ARHGAP39: variants seen among roughly 807,000 people sequenced by gnomAD.
ARHGAP39 encodes the protein rho GTPase-activating protein 39.
A neutral mutation model predicts 106.9 loss-of-function variants in ARHGAP39; 44 were observed. The observed-to-expected ratio is 0.41, with a 90% CI of 0.32 to 0.53. The LOEUF is 0.53. ARHGAP39 is among the 20% of genes least tolerant of loss of function. The pLI, the probability that ARHGAP39 is intolerant of heterozygous loss-of-function variation, is 0.21. For missense variants in ARHGAP39, 1,496 were observed against 1,577.3 expected, an observed-to-expected ratio of 0.95 and a Z score of 0.87; for synonymous variants, 768 against 693.2, an observed-to-expected ratio of 1.11 and a Z score of -1.69.
intron 1 of ARHGAP39, among the ~76,000 whole-genome samples, chr8:144,672,898 T>C (rs1822134017): frequency 6.6e-6 from 1 of 152,074 alleles, no homozygotes; most frequent in African/African-American, 2.4e-5. Flanking sequence ...GAGACCAGTG[T>C]AGCATCGCTA....
chr8:144,582,190 C>T (rs745609208), intron 2 of ARHGAP39, among the ~76,000 whole-genome samples: 2 of 152,212 alleles, frequency 1.3e-5, no homozygotes, highest in South Asian at 4.1e-4. Flanking sequence ...GGCCCAGACA[C>T]GGGCTAGTGG....
chr8:144,578,998 C>T (rs2130896218), intron 3 of ARHGAP39, among the ~76,000 whole-genome samples: 1 of 151,990 alleles, frequency 6.6e-6, no homozygotes, highest in Admixed American at 6.5e-5. Context: ...GTCAGGAGAT[C>T]AAGACCATCC....
chr8:144,532,453 T>G, intron 9 of ARHGAP39, 57 bp from the exon 10 acceptor site: 2 of 1,495,176 alleles, frequency 1.3e-6, no homozygotes, highest in Non-Finnish European at 1.8e-6. Flanking sequence ...GCTTCATGAT[T>G]CCGCCTGGAC....
rs532205492 is a variant in ARHGAP39 at position 144,604,712 on chromosome 8, G to C, written c.80+823C>G. Among the ~76,000 whole-genome samples the C allele has an allele frequency of 1.3e-5, 2 of 152,142 alleles. No homozygotes were observed. The highest frequency in any genetic ancestry group is 2.9e-5 in the Non-Finnish European group (2 of 68,032). ...GGCCAAGGAGAGAGAGGCAGTCAGG[G>C]GCAGAGCTGACCTGGAGGCATGGGA... On this transcript the variant is annotated intron_variant, in intron 2 of 11. Coordinates refer to ENST00000377307, the MANE Select transcript of ARHGAP39 (RefSeq NM_025251.3). The surrounding 1 kb of genome is among the most constrained non-coding windows in gnomAD (Gnocchi z 4.1).
chr8:144,611,508 T>A (rs554270355), intron 1 of ARHGAP39, among the ~76,000 whole-genome samples: 1 of 152,338 alleles, frequency 6.6e-6, no homozygotes, highest in South Asian at 2.1e-4. Context: ...TTTTGCTTCA[T>A]GTATTTTATA....
At chr8:144,557,610 A>T (rs1467975246) in intron 3 of ARHGAP39, among the ~76,000 whole-genome samples, 1 of 151,762 alleles carries the variant, frequency 6.6e-6, no homozygotes, top group East Asian at 1.9e-4. Context: ...TCAGAGGCAA[A>T]GGCTGAACCT....
chr8:144,530,665 A>AGGGGGGGGGGGGGGGGGGGGGGG, intron 11 of ARHGAP39, 37 bp downstream of exon 11: 1 of 913,534 alleles, frequency 1.1e-6, no homozygotes, highest in Non-Finnish European at 1.4e-6. Context: ...CGGGGCGGGG[A>AGGGGGGGGGGGGGGGGGGGGGGG]GGGGAAAGCA....
intron 10 of ARHGAP39, 127 bp downstream of exon 10, chr8:144,532,178 G>T: frequency 1.3e-6 from 1 of 785,232 alleles, no homozygotes; most frequent in Non-Finnish European, 2.1e-6. Flanking sequence ...GGATGTGCTA[G>T]AAGTGACTGG....
intron 3 of ARHGAP39, among the ~76,000 whole-genome samples, chr8:144,570,353 G>A (rs1166874312): frequency 3.9e-5 from 6 of 152,158 alleles, no homozygotes; most frequent in African/African-American, 9.7e-5. Flanking sequence ...AACAAAAGAC[G>A]GGTGTTTGGA....
At chr8:144,593,562 A>G (rs976484256) in intron 2 of ARHGAP39, among the ~76,000 whole-genome samples, 82 of 152,334 alleles carry the variant, frequency 5.4e-4, no homozygotes, top group African/African-American at 1.9e-3. Flanking sequence ...CAATAAGACA[A>G]ACAATGGAAA....
At chr8:144,596,639 G>T (rs1819632651) in intron 2 of ARHGAP39, among the ~76,000 whole-genome samples, 1 of 152,182 alleles carries the variant, frequency 6.6e-6, no homozygotes, top group African/African-American at 2.4e-5. Context: ...GGGGAGGAGT[G>T]GCCTCTTGGG....
intron 1 of ARHGAP39, among the ~76,000 whole-genome samples, chr8:144,637,446 C>G (rs1479406273): frequency 1.3e-5 from 2 of 152,082 alleles, no homozygotes; most frequent in African/African-American, 4.8e-5. Context: ...CCGGTCTCTA[C>G]TAAAAATACA....
At chr8:144,624,273 G>C (rs1475384987) in intron 1 of ARHGAP39, among the ~76,000 whole-genome samples, 1 of 152,208 alleles carries the variant, frequency 6.6e-6, no homozygotes, top group African/African-American at 2.4e-5. Context: ...TACAGTATAG[G>C]ATACACTTTT....
chr8:144,626,860 G>A (rs1820930955), intron 1 of ARHGAP39, among the ~76,000 whole-genome samples: 1 of 152,186 alleles, frequency 6.6e-6, no homozygotes, highest in African/African-American at 2.4e-5. Flanking sequence ...CTCCCCAGAT[G>A]TCTGGCCCCA....
chr8:144,682,700 T>C (rs1822458809), intron 1 of ARHGAP39, among the ~76,000 whole-genome samples: 1 of 152,280 alleles, frequency 6.6e-6, no homozygotes, highest in South Asian at 2.1e-4. Flanking sequence ...GTTGCAAGGA[T>C]AATACTGAGA....
chr8:144,600,707 T>C (rs1394250391), intron 2 of ARHGAP39, among the ~76,000 whole-genome samples: 4 of 146,866 alleles, frequency 2.7e-5, no homozygotes, highest in African/African-American at 7.6e-5. Flanking sequence ...GACGTGCGTG[T>C]GCACTTGTGT....
chr8:144,660,097 G>A (rs1821786780), intron 1 of ARHGAP39, among the ~76,000 whole-genome samples: 1 of 152,134 alleles, frequency 6.6e-6, no homozygotes, highest in Non-Finnish European at 1.5e-5. Flanking sequence ...TCTGTCCACA[G>A]CACATGCCAC....
At chr8:144,593,965 C>T (rs534042482) in intron 2 of ARHGAP39, among the ~76,000 whole-genome samples, 5 of 151,608 alleles carry the variant, frequency 3.3e-5, no homozygotes, top group African/African-American at 7.3e-5. Context: ...GGCTCATGCC[C>T]GTAGTCCCAG....
At chr8:144,698,246 T>A in the ARHGAP39 span, among the ~76,000 whole-genome samples, 3 of 152,210 alleles carry the variant, frequency 2.0e-5, no homozygotes, top group African/African-American at 7.2e-5. Flanking sequence ...TCTTGCTGTG[T>A]GATCTCTGCA....
Sources: gnomAD v4.1 joint callset for allele counts (sites outside exome capture counted in the v4.1 genomes callset) on GRCh38, gnomAD v4.1.1 for gene constraint, Gnocchi (gnomAD v3.1) non-coding constraint, MANE v1.5 for transcripts, NCBI Gene and HGNC (gene_info 2026-07-23, HGNC 2026-07-21) for gene names.